Variants in AP4E1 observed in about 807,000 individuals in gnomAD.
The protein encoded by AP4E1 is AP-4 complex subunit epsilon-1.
Under a neutral mutation model 128.2 loss-of-function variants are expected in AP4E1, and 56 were observed. The ratio of observed to expected loss-of-function variants is 0.44; its 90% CI spans 0.35 to 0.55. The LOEUF is 0.55. AP4E1 is among the 20% of genes least tolerant of loss of function. The pLI, the probability that AP4E1 is intolerant of heterozygous loss-of-function variation, is 0.00. For missense variants in AP4E1, 1,324 were observed against 1,307.7 expected, an observed-to-expected ratio of 1.01 and a Z score of -0.19; for synonymous variants, 484 against 473.1, an observed-to-expected ratio of 1.02 and a Z score of -0.30.
Position 50,923,946 on chromosome 15 carries a change from C to T in AP4E1, c.362C>T (p.Ser121Phe). ...ACTTTTATAGGTTATTTGGCTGTTTCCTTATTTCTACATGAAAGTCATGAA... is the reference window on the plus strand; with the variant it reads ...ACTTTTATAGGTTATTTGGCTGTTTTCTTATTTCTACATGAAAGTCATGAA... ...LEKRVGYLAV[S>F]LFLHESHELL... The change falls in exon 4 of 21, where the codon TCC (serine) becomes TTC (phenylalanine). Residue 121 changes from serine to phenylalanine, a missense_variant. By Grantham distance (155) the Ser-to-Phe change is radical. Coordinates refer to ENST00000261842, the MANE Select transcript of AP4E1 (RefSeq NM_007347.5). The T allele has an allele frequency of 6.2e-7, 1 of 1,611,810 alleles. No individual in the cohort carries two copies. Among genetic ancestry groups the T allele is most frequent in the Non-Finnish European group, 8.5e-7 (1 of 1,178,450 alleles).
At chr15:50,949,734 T>C (rs1460238552) in intron 11 of AP4E1, 92 bp from the exon 12 acceptor site, 11 of 971,858 alleles carry the variant, frequency 1.1e-5, no homozygotes, top group Non-Finnish European at 1.6e-6. Flanking sequence ...CATACTAGGA[T>C]GAATTGGGGT....
In AP4E1 at chr15:50,945,451, C is replaced by T. The variant is rs530901330; in HGVS notation, c.1177-2569C>T. The T allele has an allele frequency of 1.2e-4, 93 of 775,258 alleles. 1 individual carries two copies. The African/African-American group carries it at 1.5e-3, about 13-fold the overall frequency. 48.0% of individuals were successfully genotyped at this position (775,258 alleles called of 1,614,324 possible). ...GGCAGCAAATGAAGACTATAACTTA[C>T]ATACTTTTGATATGTGTGCACTGGA... On this transcript the variant is annotated intron_variant, in intron 10 of 20. Transcript: ENST00000261842.
At position 51,002,352 on chromosome 15, in the gene AP4E1, C is replaced by T. The variant is rs564793926; in HGVS notation, c.3254-150C>T. On this transcript the variant is annotated intron_variant, in intron 20 of 20. Coordinates refer to ENST00000261842, the MANE Select transcript of AP4E1 (RefSeq NM_007347.5). Reference sequence around the variant, plus strand: ...TCCTAATGTGTATGAAGTATAGTATCTCACTGTGGTTTCAATTTGCAGTCT... The same window carrying T: ...TCCTAATGTGTATGAAGTATAGTATTTCACTGTGGTTTCAATTTGCAGTCT... 5.4e-6 allele frequency: 4 copies of T among 746,286 alleles called. No homozygotes were observed. In the East Asian group the frequency reaches 1.0e-4, roughly 19 times the overall value. 46.2% of individuals were successfully genotyped at this position (746,286 alleles called of 1,614,324 possible).
chr15:50,945,847 C>T (rs2064054869), intron 10 of AP4E1: 1 of 804,180 alleles, frequency 1.2e-6, no homozygotes, highest in Non-Finnish European at 2.2e-6. Flanking sequence ...TCATTGACAT[C>T]TACCAAAATC....
intron 17 of AP4E1, among the ~76,000 whole-genome samples, chr15:50,995,935 A>C (rs2064863465): frequency 6.8e-6 from 1 of 147,696 alleles, no homozygotes; most frequent in Non-Finnish European, 1.5e-5. Flanking sequence ...AGGAACAGAG[A>C]GCATCAGTGA....
intron 14 of AP4E1, 120 bp downstream of exon 14, chr15:50,958,914 G>T (rs2064271723): frequency 9.1e-7 from 1 of 1,101,346 alleles, no homozygotes; most frequent in Non-Finnish European, 1.4e-6. Flanking sequence ...TAAGGTGAAT[G>T]TTGGAGTTCC....
chr15:50,958,457 A>G (rs1433681751), intron 13 of AP4E1, 35 bp from the exon 14 acceptor site: 2 of 1,558,334 alleles, frequency 1.3e-6, no homozygotes, highest in Non-Finnish European at 1.8e-6. Context: ...ATAACTTGAT[A>G]TTTCTATATG....
rs35121200 is a variant in AP4E1, at chr15:50,975,956, CAGAGAG to C, written c.1966+7599_1966+7604del. Among the ~76,000 whole-genome samples, 49 of 148,258 alleles carry C rather than the reference CAGAGAG, an allele frequency of 3.3e-4. No homozygotes were observed. The East Asian group carries it at 6.5e-3, about 20-fold the overall frequency. Reference sequence around the variant, plus strand: ...CTTGACCCCATCTCTACAAAAGGGACAGAGAGAGAGAGAGAGAGAGAGAGAAAGAGA... The same window carrying C: ...CTTGACCCCATCTCTACAAAAGGGACAGAGAGAGAGAGAGAGAGAAAGAGA... On this transcript the variant is annotated intron_variant, in intron 15 of 20. Transcript: ENST00000261842.
intron 13 of AP4E1, among the ~76,000 whole-genome samples, chr15:50,954,836 C>CATA (rs1365992098): frequency 6.6e-6 from 1 of 152,098 alleles, no homozygotes; most frequent in Non-Finnish European, 1.5e-5. Flanking sequence ...TAATGCTATC[C>CATA]CTCTGCCGTC....
intron 15 of AP4E1, among the ~76,000 whole-genome samples, chr15:50,978,429 G>A (rs2064587786): frequency 6.6e-6 from 1 of 152,084 alleles, no homozygotes; most frequent in South Asian, 2.1e-4. Flanking sequence ...ATTAATAATA[G>A]CTGAGAATGG....
chr15:50,978,211 A>G (rs1283157736), intron 15 of AP4E1, among the ~76,000 whole-genome samples: 1 of 152,202 alleles, frequency 6.6e-6, no homozygotes, highest in African/African-American at 2.4e-5. Context: ...CAAAAAAAGC[A>G]TTTCAGAATC....
At chr15:50,927,309 C>G (rs139526558) in intron 5 of AP4E1, among the ~76,000 whole-genome samples, 1 of 152,270 alleles carries the variant, frequency 6.6e-6, no homozygotes, top group East Asian at 1.9e-4. Flanking sequence ...GCCCCATGCT[C>G]TGGAGTAAAG....
chr15:50,911,818 A>G (rs2063570465), intron 1 of AP4E1, among the ~76,000 whole-genome samples: 2 of 151,956 alleles, frequency 1.3e-5, no homozygotes, highest in Non-Finnish European at 2.9e-5. Flanking sequence ...CTGCTATTCT[A>G]CCATTAAGGG....
intron 13 of AP4E1, among the ~76,000 whole-genome samples, chr15:50,952,130 A>G (rs2064158503): frequency 6.6e-6 from 1 of 152,198 alleles, no homozygotes; most frequent in Admixed American, 6.5e-5. Context: ...TTAGAATTGA[A>G]TTGCAGACAC....
chr15:50,915,572 G>A lies in AP4E1; in HGVS notation c.346+1G>A. ...GGAAACCTCTTAGAAAAAAGAGTAG[G>A]TATGTATGTGTTTTAAGACTTTGAT... On this transcript the variant is annotated splice_donor_variant, in intron 3 of 20. Transcript: ENST00000261842. LOFTEE classifies it high-confidence loss of function. The A allele has an allele frequency of 6.2e-7, 1 of 1,613,458 alleles. No individual in the cohort carries two copies. The highest frequency in any genetic ancestry group is 8.5e-7 in the Non-Finnish European group (1 of 1,179,662).
intron 15 of AP4E1, among the ~76,000 whole-genome samples, chr15:50,975,745 T>C (rs2140904071): frequency 6.6e-6 from 1 of 152,320 alleles, no homozygotes; most frequent in East Asian, 1.9e-4. Context: ...TTGCTCTTTT[T>C]TCTCAAGATT....
At chr15:50,931,459 G>A (rs1038402536) in intron 7 of AP4E1, among the ~76,000 whole-genome samples, 7 of 152,124 alleles carry the variant, frequency 4.6e-5, no homozygotes, top group East Asian at 1.9e-4. Context: ...CTAGCTACTC[G>A]GGAGGCTGAG....
chr15:50,983,388 T>C (rs1326347689), intron 15 of AP4E1, among the ~76,000 whole-genome samples: 1 of 152,218 alleles, frequency 6.6e-6, no homozygotes, highest in African/African-American at 2.4e-5. Flanking sequence ...CTCAGTCATA[T>C]GACAAAGGTG....
At chr15:50,988,759 C>T (rs1352108782) in intron 16 of AP4E1, among the ~76,000 whole-genome samples, 1 of 151,980 alleles carries the variant, frequency 6.6e-6, no homozygotes, top group African/African-American at 2.4e-5. Flanking sequence ...GTTGTAAAGC[C>T]AAAAAATCAT....
Sources: allele counts gnomAD v4.1 joint callset (sites outside exome capture counted in the v4.1 genomes callset), GRCh38; gene constraint gnomAD v4.1.1; transcripts MANE v1.5; gene names NCBI Gene and HGNC (gene_info 2026-07-23, HGNC 2026-07-21).